The following NFIB variants were observed in gnomAD, a reference collection of about 807,000 sequenced individuals.
The protein encoded by NFIB is nuclear factor 1 B-type.
Under a neutral mutation model 61.5 loss-of-function variants are expected in NFIB, and 11 were observed. That is an observed-to-expected ratio of 0.18 (90% CI 0.11 to 0.30). The LOEUF (loss-of-function observed/expected upper bound fraction) is 0.30, where lower values mean the gene tolerates loss of function less well. Ranked by LOEUF, NFIB falls within the 10% of genes least tolerant of loss-of-function variation. NFIB has a pLI of 1.00. For missense variants in NFIB, 471 were observed against 608.9 expected, an observed-to-expected ratio of 0.77 and a Z score of 2.38; for synonymous variants, 260 against 216.5, an observed-to-expected ratio of 1.20 and a Z score of -1.76.
At chr9:14,426,514 A>T in the NFIB span, among the ~76,000 whole-genome samples, 1 of 152,214 alleles carries the variant, frequency 6.6e-6, no homozygotes, top group Non-Finnish European at 1.5e-5. Flanking sequence ...CGGACATGTA[A>T]TATATGTTTG....
chr9:14,419,508 G>C, the NFIB span, among the ~76,000 whole-genome samples: 370 of 152,250 alleles, frequency 2.4e-3, 1 homozygote, highest in African/African-American at 8.5e-3. Context: ...TGAATGCTCT[G>C]CTGTAGCCAT....
At chr9:14,350,681 A>G (rs2061098080) in intron 1 of NFIB, among the ~76,000 whole-genome samples, 1 of 152,176 alleles carries the variant, frequency 6.6e-6, no homozygotes, top group South Asian at 2.1e-4. Context: ...ATACAAAAAA[A>G]ATTCCTCTTT....
the NFIB span, among the ~76,000 whole-genome samples, chr9:14,486,508 C>T: frequency 2.6e-5 from 4 of 152,264 alleles, no homozygotes; most frequent in East Asian, 1.9e-4. Context: ...AAAATGCAAA[C>T]GGAAGTACCT....
At chr9:14,200,736 C>T (rs1044367730) in intron 2 of NFIB, among the ~76,000 whole-genome samples, 2 of 152,138 alleles carry the variant, frequency 1.3e-5, no homozygotes, top group Non-Finnish European at 2.9e-5. Context: ...ATCCCAAAGA[C>T]GATCCATCCA....
intron 10 of NFIB, chr9:14,102,585 A>T: frequency 8.7e-7 from 1 of 1,149,960 alleles, no homozygotes; most frequent in Non-Finnish European, 1.3e-6. Context: ...GAACACATGC[A>T]AACTAGTACT....
At chr9:14,149,580 C>T (rs1469171971) in intron 5 of NFIB, among the ~76,000 whole-genome samples, 1 of 152,080 alleles carries the variant, frequency 6.6e-6, no homozygotes, top group Non-Finnish European at 1.5e-5. Flanking sequence ...CTCTAGCTGA[C>T]CCCCAACATA....
chr9:14,404,893 G>C, the NFIB span, among the ~76,000 whole-genome samples: 1 of 152,186 alleles, frequency 6.6e-6, no homozygotes, highest in Non-Finnish European at 1.5e-5. Flanking sequence ...AGCAAAAGGG[G>C]TGTTGTCCTC....
chr9:14,388,417 AAGGAAGG>A (rs2061578641), intron 1 of NFIB, among the ~76,000 whole-genome samples: 1 of 41,748 alleles, frequency 2.4e-5, no homozygotes, highest in Non-Finnish European at 6.4e-5. Context: ...GGAAGGAAGG[AAGGAAGG>A]AAGGAGAGAG....
the NFIB span, among the ~76,000 whole-genome samples, chr9:14,426,296 C>T: frequency 1.3e-5 from 2 of 152,236 alleles, no homozygotes; most frequent in Middle Eastern, 6.3e-3. Flanking sequence ...GTGAGCTCTA[C>T]AGGCCAGATG....
chr9:14,462,016 A>C, the NFIB span, among the ~76,000 whole-genome samples: 3 of 152,222 alleles, frequency 2.0e-5, no homozygotes, highest in African/African-American at 2.4e-5. Flanking sequence ...AAGGCAGAGA[A>C]GACTGATTGG....
intron 10 of NFIB, among the ~76,000 whole-genome samples, chr9:14,110,535 T>G (rs2037206269): frequency 6.6e-6 from 1 of 152,108 alleles, no homozygotes; most frequent in South Asian, 2.1e-4. Context: ...TTTTCATTCA[T>G]CATTGAGTGC....
chr9:14,497,550 T>C, the NFIB span, among the ~76,000 whole-genome samples: 4 of 152,124 alleles, frequency 2.6e-5, no homozygotes, highest in Non-Finnish European at 5.9e-5. Context: ...GTGTTCATCA[T>C]TGTTTAAGAC....
At chr9:14,480,289 G>T in the NFIB span, among the ~76,000 whole-genome samples, 1 of 152,040 alleles carries the variant, frequency 6.6e-6, no homozygotes, top group Non-Finnish European at 1.5e-5. Flanking sequence ...AACACTTCTT[G>T]ACTCCTAGGC....
chr9:14,194,706 C>G (rs964451199), intron 2 of NFIB, among the ~76,000 whole-genome samples: 3 of 151,954 alleles, frequency 2.0e-5, no homozygotes, highest in African/African-American at 7.3e-5. Context: ...TTATACTAAG[C>G]AGATAGCAAA....
the NFIB span, among the ~76,000 whole-genome samples, chr9:14,432,446 C>G: frequency 2.6e-5 from 4 of 152,210 alleles, no homozygotes; most frequent in African/African-American, 9.7e-5. Context: ...GTTTCTTTAG[C>G]TTGTGACCAT....
chr9:14,518,811 C>G, the NFIB span, among the ~76,000 whole-genome samples: 101 of 152,246 alleles, frequency 6.6e-4, no homozygotes, highest in East Asian at 0.015. Context: ...CCTCTTTGCA[C>G]TCTCCAGGAA....
upstream of NFIB, chr9:14,314,248 G>A (rs980905856): frequency 1.6e-4 from 115 of 740,242 alleles, no homozygotes; most frequent in Admixed American, 1.9e-4. Context: ...GCTGATCTCT[G>A]GGGCGGAAGA....
intron 1 of NFIB, among the ~76,000 whole-genome samples, chr9:14,346,365 G>C (rs189603091): frequency 6.8e-6 from 1 of 146,420 alleles, no homozygotes; most frequent in Non-Finnish European, 1.5e-5. Flanking sequence ...CGCTCCGGAC[G>C]GGCGTCATCT....
intron 2 of NFIB, among the ~76,000 whole-genome samples, chr9:14,201,051 T>A (rs2048980585): frequency 6.6e-6 from 1 of 152,184 alleles, no homozygotes. Flanking sequence ...AGACTCTATC[T>A]TCCTTTCAAG....
Sources: allele counts gnomAD v4.1 joint callset (sites outside exome capture counted in the v4.1 genomes callset), GRCh38; gene constraint gnomAD v4.1.1; transcripts MANE v1.5; gene names NCBI Gene and HGNC (gene_info 2026-07-23, HGNC 2026-07-21).